Variants in CRIPT observed in about 807,000 individuals in gnomAD.
CRIPT encodes the protein CXXC repeat containing interactor of PDZ3 domain, also known as cysteine-rich PDZ-binding protein.
A neutral mutation model predicts 16.6 loss-of-function variants in CRIPT; 20 were observed. That is an observed-to-expected ratio of 1.20 (90% CI 0.85 to 1.75). The LOEUF (loss-of-function observed/expected upper bound fraction) is 1.75. Among genes scored for constraint, CRIPT ranks in the 40% most tolerant of loss-of-function variants. CRIPT has a pLI of 0.00. For synonymous variants in CRIPT, 42 were observed against 37.0 expected (o/e 1.14, Z -0.49); for missense variants, 133 against 115.3 (o/e 1.15, Z -0.70).
In CRIPT at chr2:46,626,784, G is replaced by T. The variant is rs978762072; in HGVS notation, c.*2557G>T. ...TGTCTTTTGAGAAGTGTCTGTTCAA[G>T]TCTTTTGGCATTTTTTTAATGGGTT... On this transcript the variant is annotated 3_prime_UTR_variant, in exon 5 of 5. Coordinates refer to ENST00000238892, the MANE Select transcript of CRIPT (RefSeq NM_014171.6). 4.6e-5 allele frequency among the ~76,000 whole-genome samples: 7 copies of T among 151,934 alleles called. No individual in the cohort carries two copies. Among genetic ancestry groups the T allele is most frequent in the African/African-American group, 1.5e-4 (6 of 41,378 alleles).
At chr2:46,623,676 G>A (rs888830021) in intron 3 of CRIPT, 88 bp from the exon 4 acceptor site, 18 of 692,386 alleles carry the variant, frequency 2.6e-5, no homozygotes, top group Non-Finnish European at 4.3e-5. Context: ...GGAGAGCATG[G>A]ATTAATCCTG....
chr2:46,623,926 T>G (rs902964540), intron 4 of CRIPT, 59 bp downstream of exon 4: 1 of 1,246,724 alleles, frequency 8.0e-7, no homozygotes, highest in African/African-American at 1.5e-5. Context: ...GCTGCTAATT[T>G]GGTTAACAGA....
intron 3 of CRIPT, among the ~76,000 whole-genome samples, chr2:46,622,193 C>A (rs1026173195): frequency 2.0e-5 from 3 of 151,488 alleles, no homozygotes; most frequent in African/African-American, 7.3e-5. Context: ...CATGGTGAAA[C>A]CCTGTCTCTA....
chr2:46,619,679 A>C lies in CRIPT; in HGVS notation c.135A>C (p.Ala45=), dbSNP rs752674144. ...ATAAAGCTTTGACTTCAAAAAAAGCAAGGTGGGTAAGAGGATCCATCGATG... is the reference window on the plus strand; with the variant it reads ...ATAAAGCTTTGACTTCAAAAAAAGCCAGGTGGGTAAGAGGATCCATCGATG... ...NENKALTSKK[A]RFDPYGKNKF... Residue 45 remains alanine, a splice_region_variant and synonymous_variant, in exon 3 of 5, where the codon GCA becomes GCC. Coordinates refer to ENST00000238892, the MANE Select transcript of CRIPT (RefSeq NM_014171.6). The C allele has an allele frequency of 1.4e-5, 22 of 1,610,686 alleles. No homozygotes were observed. Among genetic ancestry groups the C allele is most frequent in the Middle Eastern group, 1.6e-4 (1 of 6,068 alleles).
intron 3 of CRIPT, among the ~76,000 whole-genome samples, chr2:46,622,738 G>A (rs1379800110): frequency 2.0e-5 from 3 of 151,814 alleles, no homozygotes; most frequent in African/African-American, 7.3e-5. Flanking sequence ...GCTTGAACCT[G>A]GGAGGCAGAG....
At chr2:46,617,590 C>G (rs1011157452) in intron 1 of CRIPT, among the ~76,000 whole-genome samples, 2 of 152,130 alleles carry the variant, frequency 1.3e-5, no homozygotes, top group African/African-American at 4.8e-5. Flanking sequence ...CAGTTAAACC[C>G]CAACGACACC....
In CRIPT at chr2:46,627,979, C is replaced by G. The variant is rs527877404; in HGVS notation, c.*3752C>G. ...TTGGTCTATGGGTCTGTTTTTATAT[C>G]TGTACCATGCTGTTTTGGTTACTGT... On this transcript the variant is annotated 3_prime_UTR_variant, in exon 5 of 5. Coordinates refer to ENST00000238892, the MANE Select transcript of CRIPT (RefSeq NM_014171.6). Among the ~76,000 whole-genome samples the G allele has an allele frequency of 6.6e-6, 1 of 152,198 alleles. No individual in the cohort carries two copies. The highest frequency in any genetic ancestry group is 1.5e-5 in the Non-Finnish European group (1 of 68,006).
chr2:46,617,403 C>A, intron 1 of CRIPT, 105 bp downstream of exon 1: 1 of 1,265,890 alleles, frequency 7.9e-7, no homozygotes, highest in Non-Finnish European at 1.1e-6. Flanking sequence ...CCACAGGTCT[C>A]AGATTCTATC....
rs981426975 is a variant in CRIPT at position 46,626,686 on chromosome 2, T to C, written c.*2459T>C. ...CTGACTGGTGTGAGATTGTAACTCA[T>C]TGTGGTTTTGATTTGCATTTATCTG... On this transcript the variant is annotated 3_prime_UTR_variant, in exon 5 of 5. Transcript: ENST00000238892. Among the ~76,000 whole-genome samples, 3 of 152,192 alleles carry C rather than the reference T, an allele frequency of 2.0e-5. No homozygotes were observed. The highest frequency in any genetic ancestry group is 7.2e-5 in the African/African-American group (3 of 41,458).
At chr2:46,624,126 T>A in intron 4 of CRIPT, 37 bp from the exon 5 acceptor site, 4 of 1,469,914 alleles carry the variant, frequency 2.7e-6, no homozygotes, top group Non-Finnish European at 2.8e-6. Context: ...CAGTTGGTAT[T>A]ATGATTTGAT....
chr2:46,626,821 G>A lies in CRIPT; in HGVS notation c.*2594G>A, dbSNP rs890774325. Among the ~76,000 whole-genome samples the A allele has an allele frequency of 6.6e-6, 1 of 151,690 alleles. No individual in the cohort carries two copies. The highest frequency in any genetic ancestry group is 6.6e-5 in the Admixed American group (1 of 15,188). ...TTTTTTAATGGGTTTTTGTTTGTGT[G>A]TGTGTATTTTTGTTTTTGTTTTTGT... On this transcript the variant is annotated 3_prime_UTR_variant, in exon 5 of 5. Transcript: ENST00000238892.
intron 3 of CRIPT, among the ~76,000 whole-genome samples, chr2:46,620,363 C>T (rs938357270): frequency 3.9e-5 from 6 of 152,118 alleles, no homozygotes; most frequent in Non-Finnish European, 8.8e-5. Context: ...GGGAGGATCA[C>T]TTGATCCCAG....
At chr2:46,622,383 A>G (rs796968136) in intron 3 of CRIPT, among the ~76,000 whole-genome samples, 1 of 151,490 alleles carries the variant, frequency 6.6e-6, no homozygotes, top group Admixed American at 6.6e-5. Context: ...AAAAAAAAAA[A>G]AAGATTTCCA....
Position 46,626,718 on chromosome 2 carries a change from A to G in CRIPT, c.*2491A>G, listed in dbSNP as rs186465676. Among the ~76,000 whole-genome samples, 2 of 152,164 alleles carry G rather than the reference A, an allele frequency of 1.3e-5. No individual in the cohort carries two copies. Among genetic ancestry groups the G allele is most frequent in the East Asian group, 3.9e-4 (2 of 5,192 alleles). On this transcript the variant is annotated 3_prime_UTR_variant, in exon 5 of 5. Coordinates refer to ENST00000238892, the MANE Select transcript of CRIPT (RefSeq NM_014171.6). ...TTTGATTTGCATTTATCTGATTAGTAATGTTGAGCATTTTTTCATGTTTGT... is the reference window on the plus strand; with the variant it reads ...TTTGATTTGCATTTATCTGATTAGTGATGTTGAGCATTTTTTCATGTTTGT...
rs955454034 is a variant in CRIPT at position 46,622,540 on chromosome 2, G to A, written c.138-1224G>A. On this transcript the variant is annotated intron_variant, in intron 3 of 4. Coordinates refer to ENST00000238892, the MANE Select transcript of CRIPT (RefSeq NM_014171.6). Reference sequence around the variant, plus strand: ...AGTAAAGTGATATTCTCAGCTGGGCGCAGTGGTTCACGCCTGTGATCCCAG... The same window carrying A: ...AGTAAAGTGATATTCTCAGCTGGGCACAGTGGTTCACGCCTGTGATCCCAG... Among the ~76,000 whole-genome samples, 5 of 152,050 alleles carry A rather than the reference G, an allele frequency of 3.3e-5. No homozygotes were observed. The East Asian group carries it at 7.7e-4, about 24-fold the overall frequency.
In CRIPT at chr2:46,627,432, C is replaced by T. The variant is rs1414661623; in HGVS notation, c.*3205C>T. On this transcript the variant is annotated 3_prime_UTR_variant, in exon 5 of 5. Transcript: ENST00000238892. ...AGGACTCTTATAGCTTGAAGTCTTA[C>T]ATTTAAATCTTTTTTTTTTTTTTTC... 6.6e-6 allele frequency among the ~76,000 whole-genome samples: 1 copy of T among 150,650 alleles called. No individual in the cohort carries two copies. The highest frequency in any genetic ancestry group is 1.5e-5 in the Non-Finnish European group (1 of 67,598).
intron 2 of CRIPT, among the ~76,000 whole-genome samples, 184 bp from the exon 3 acceptor site, chr2:46,619,443 A>T (rs1290581765): frequency 6.6e-6 from 1 of 152,174 alleles, no homozygotes; most frequent in Non-Finnish European, 1.5e-5. Context: ...TATTTTATAC[A>T]AATTTTTACT....
intron 1 of CRIPT, among the ~76,000 whole-genome samples, chr2:46,618,401 A>G (rs944363798): frequency 1.3e-5 from 2 of 152,176 alleles, no homozygotes; most frequent in African/African-American, 4.8e-5. Context: ...TAAAGAAATT[A>G]GTGTACTGTA....
chr2:46,624,035 A>T (rs543523333), intron 4 of CRIPT, 128 bp from the exon 5 acceptor site: 1 of 390,184 alleles, frequency 2.6e-6, no homozygotes. Context: ...TTATATATAT[A>T]TATATATTTT....
Sources: allele counts gnomAD v4.1 joint callset (sites outside exome capture counted in the v4.1 genomes callset), GRCh38; gene constraint gnomAD v4.1.1; transcripts MANE v1.5; gene names NCBI Gene and HGNC (gene_info 2026-07-23, HGNC 2026-07-21).